The following CNKSR3 variants were observed in gnomAD, a reference collection of about 807,000 sequenced individuals.
The protein encoded by CNKSR3 is CNKSR family member 3.
A neutral mutation model predicts 67.7 loss-of-function variants in CNKSR3; 36 were observed. The observed-to-expected ratio is 0.53, with a 90% CI of 0.41 to 0.70. The LOEUF is 0.70. CNKSR3 is among the 30% of genes least tolerant of loss of function. The pLI is 0.00. For missense variants in CNKSR3, 630 were observed against 695.2 expected, an observed-to-expected ratio of 0.91 and a Z score of 1.05; for synonymous variants, 281 against 271.4, an observed-to-expected ratio of 1.04 and a Z score of -0.35.
intron 11 of CNKSR3, 43 bp downstream of exon 11, chr6:154,410,891 A>C (rs1784895445): frequency 1.3e-6 from 2 of 1,506,786 alleles, no homozygotes; most frequent in Non-Finnish European, 1.8e-6. Flanking sequence ...GGGGAGGAGA[A>C]GTCAAGGCCA....
At chr6:154,426,592 T>A (rs1785261728) in intron 7 of CNKSR3, among the ~76,000 whole-genome samples, 1 of 152,142 alleles carries the variant, frequency 6.6e-6, no homozygotes. Flanking sequence ...CCTGACCTTG[T>A]GATCTGCCCA....
intron 4 of CNKSR3, 119 bp from the exon 5 acceptor site, chr6:154,433,626 G>C: frequency 1.4e-6 from 1 of 728,820 alleles, no homozygotes; most frequent in Non-Finnish European, 2.4e-6. Context: ...ACACCCGTCA[G>C]CCTGCACAGT....
chr6:154,437,148 G>A (rs1236712913), intron 4 of CNKSR3, among the ~76,000 whole-genome samples: 2 of 152,068 alleles, frequency 1.3e-5, no homozygotes, highest in African/African-American at 4.8e-5. Context: ...ACTGGAAAGA[G>A]ATACAACTTT....
At chr6:154,431,970 C>T (rs1785377430) in intron 5 of CNKSR3, among the ~76,000 whole-genome samples, 1 of 152,128 alleles carries the variant, frequency 6.6e-6, no homozygotes, top group African/African-American at 2.4e-5. Context: ...CTGCTATAAA[C>T]ATCCTGTGCA....
At chr6:154,458,535 C>T (rs1429517560) in intron 1 of CNKSR3, among the ~76,000 whole-genome samples, 1 of 152,150 alleles carries the variant, frequency 6.6e-6, no homozygotes, top group Non-Finnish European at 1.5e-5. Flanking sequence ...CATTCAACCA[C>T]ACTACAATCA....
chr6:154,470,666 A>C (rs2114626802), intron 1 of CNKSR3, among the ~76,000 whole-genome samples: 1 of 152,226 alleles, frequency 6.6e-6, no homozygotes, highest in South Asian at 2.1e-4. Context: ...GATATACCAC[A>C]TTTTTATCCA....
intron 9 of CNKSR3, 189 bp from the exon 10 acceptor site, chr6:154,414,612 G>A (rs982796775): frequency 5.9e-6 from 4 of 680,446 alleles, no homozygotes; most frequent in Non-Finnish European, 1.1e-5. Context: ...ATGAGCTGAG[G>A]GATTTGAATG....
chr6:154,455,472 CTTTTA>C (rs1213088665), intron 1 of CNKSR3, among the ~76,000 whole-genome samples: 1 of 151,362 alleles, frequency 6.6e-6, no homozygotes, highest in Non-Finnish European at 1.5e-5. Flanking sequence ...AAGTCATCTG[CTTTTA>C]TTTTCTTTCC....
intron 1 of CNKSR3, among the ~76,000 whole-genome samples, chr6:154,501,544 T>C (rs2114659850): frequency 6.6e-6 from 1 of 152,160 alleles, no homozygotes; most frequent in South Asian, 2.1e-4. Context: ...GGTTCGCACC[T>C]CAGGGCCTTT....
rs1336663783 is a variant in CNKSR3, at chr6:154,426,977, C to T, written c.729+1151G>A. On this transcript the variant is annotated intron_variant, in intron 7 of 12. Coordinates refer to ENST00000607772, the MANE Select transcript of CNKSR3 (RefSeq NM_173515.4). Reference sequence around the variant, plus strand: ...AAGAATCGTGTGTTGCATCTTGTGTCTTTTCTTCCGCACCATCCCCAGCCT... The same window carrying T: ...AAGAATCGTGTGTTGCATCTTGTGTTTTTTCTTCCGCACCATCCCCAGCCT... Among the ~76,000 whole-genome samples the T allele has an allele frequency of 2.6e-5, 4 of 152,284 alleles. No individual in the cohort carries two copies. The East Asian group carries it at 5.8e-4, about 22-fold the overall frequency.
intron 9 of CNKSR3, among the ~76,000 whole-genome samples, chr6:154,417,419 C>T (rs569597977): frequency 6.6e-6 from 1 of 152,308 alleles, no homozygotes; most frequent in African/African-American, 2.4e-5. Flanking sequence ...TGATGTGCTT[C>T]CCAGTGGCCT....
chr6:154,463,565 G>A (rs1786130606), intron 1 of CNKSR3, among the ~76,000 whole-genome samples: 3 of 152,138 alleles, frequency 2.0e-5, no homozygotes, highest in Non-Finnish European at 4.4e-5. Context: ...GGCTTCACGG[G>A]ATGCCAGCCC....
Position 154,403,061 on chromosome 6 carries a change from T to G in CNKSR3, c.*3293A>C, listed in dbSNP as rs1183441476. 2.0e-5 allele frequency: 3 copies of G among 152,230 alleles called. No homozygotes were observed. The highest frequency in any genetic ancestry group is 7.2e-5 in the African/African-American group (3 of 41,450). The allele number at this position is 152,230 out of a possible 1,614,324, so 9.4% of individuals were successfully genotyped here. A position where few individuals can be genotyped will look rare whatever the true frequency, so the allele number is the denominator to read the frequency against. On this transcript the variant is annotated 3_prime_UTR_variant, in exon 13 of 13. Coordinates refer to ENST00000607772, the MANE Select transcript of CNKSR3 (RefSeq NM_173515.4). ...AATAGTAAATGGAGTGATGTTTTTA[T>G]GAGTGAAGGTAAGCTTCATCATCCA...
chr6:154,454,256 T>C (rs924556159), intron 1 of CNKSR3, among the ~76,000 whole-genome samples: 2 of 152,226 alleles, frequency 1.3e-5, no homozygotes, highest in South Asian at 2.1e-4. Flanking sequence ...ACCCACTACA[T>C]AGAACTGTAA....
chr6:154,425,583 GGGT>G (rs1448781873), intron 7 of CNKSR3, among the ~76,000 whole-genome samples: 6 of 152,194 alleles, frequency 3.9e-5, no homozygotes, highest in African/African-American at 1.4e-4. Context: ...CGGATCTCAG[GGGT>G]GGAGGACAGA....
chr6:154,476,685 C>T (rs913760313), intron 1 of CNKSR3, among the ~76,000 whole-genome samples: 26 of 152,112 alleles, frequency 1.7e-4, no homozygotes, highest in Non-Finnish European at 2.9e-4. Context: ...ATACGAGTAT[C>T]GGTAGGCCCT....
At chr6:154,462,606 A>G (rs1287584550) in intron 1 of CNKSR3, among the ~76,000 whole-genome samples, 1 of 152,134 alleles carries the variant, frequency 6.6e-6, no homozygotes, top group East Asian at 1.9e-4. Flanking sequence ...ATCTCCGGCC[A>G]CATTCTCCCC....
intron 1 of CNKSR3, among the ~76,000 whole-genome samples, chr6:154,453,402 T>C (rs1172064247): frequency 3.3e-5 from 5 of 152,168 alleles, no homozygotes; most frequent in Non-Finnish European, 5.9e-5. Flanking sequence ...AGATTGAGAA[T>C]TGAAGAATAC....
chr6:154,485,910 T>C (rs763650552), intron 1 of CNKSR3, among the ~76,000 whole-genome samples: 13 of 152,188 alleles, frequency 8.5e-5, no homozygotes, highest in Non-Finnish European at 1.9e-4. Context: ...GTTTCCTTAA[T>C]TGGGCTTGGC....
Sources: allele counts gnomAD v4.1 joint callset (sites outside exome capture counted in the v4.1 genomes callset), GRCh38; gene constraint gnomAD v4.1.1; transcripts MANE v1.5; gene names NCBI Gene and HGNC (gene_info 2026-07-23, HGNC 2026-07-21).